ZNF628: variants seen among roughly 807,000 people sequenced by gnomAD.
ZNF628 encodes zinc finger protein Zec.
In ZNF628, 3 loss-of-function variants were observed where a neutral mutation model predicts 2.5. The observed-to-expected ratio is 1.19, with a 90% CI of 0.54 to 3.07. The LOEUF is 3.07. Ranked by LOEUF, ZNF628 falls within the 30% of genes most tolerant of loss-of-function variation. The probability of loss-of-function intolerance (pLI) is 0.03; values close to 1 mark genes in which losing one functional copy is unlikely to be tolerated. For synonymous variants in ZNF628, 861 were observed against 717.1 expected, an observed-to-expected ratio of 1.20 and a Z score of -3.21; for missense variants, 1,610 against 1,517.1, an observed-to-expected ratio of 1.06 and a Z score of -1.02.
rs1485426669 is a variant in ZNF628 at position 55,483,524 on chromosome 19, A to G, written c.2331A>G (p.Pro777=). ...AGQGAGVVWL[P]GPGGLGVQGA... Reference sequence around the variant, plus strand: ...AGGGGGCGGGAGTGGTCTGGCTGCCAGGCCCTGGGGGTCTAGGGGTGCAGG... The same window carrying G: ...AGGGGGCGGGAGTGGTCTGGCTGCCGGGCCCTGGGGGTCTAGGGGTGCAGG... The change falls in exon 3 of 3, where the codon CCA becomes CCG. Residue 777 remains proline (P), a synonymous_variant. Transcript: ENST00000598519. 5.8e-6 allele frequency: 9 copies of G among 1,564,666 alleles called. No homozygotes were observed. Among genetic ancestry groups the G allele is most frequent in the Non-Finnish European group, 6.9e-6 (8 of 1,154,168 alleles).
chr19:55,482,227 C>A lies in ZNF628; in HGVS notation c.1034C>A (p.Pro345His), dbSNP rs1403052505. The A allele has an allele frequency of 3.4e-6, 5 of 1,454,242 alleles. No individual in the cohort carries two copies. Among genetic ancestry groups the A allele is most frequent in the Non-Finnish European group, 4.5e-6 (5 of 1,111,402 alleles). The allele number at this position is 1,454,242 out of a possible 1,614,324, so 90.1% of individuals were successfully genotyped here. A position where few individuals can be genotyped will look rare whatever the true frequency, so the allele number is the denominator to read the frequency against. ...ADQPPSPLPQ[P>H]PPPAAAPAPG... Reference sequence around the variant, plus strand: ...CAGCCACCGTCCCCTCTGCCGCAGCCCCCTCCTCCCGCCGCCGCCCCCGCG... The same window carrying A: ...CAGCCACCGTCCCCTCTGCCGCAGCACCCTCCTCCCGCCGCCGCCCCCGCG... The change falls in exon 3 of 3, where the codon CCC becomes CAC. Residue 345 changes from proline to histidine, a missense_variant. Transcript: ENST00000598519.
chr19:55,483,332 C>A lies in ZNF628; in HGVS notation c.2139C>A (p.Leu713=). ...GPAAPNSQTF[L]LVQTAQGLQL... is the part of the protein sequence containing the mutation. ...CAGCGCCCAACTCTCAGACGTTCCT[C>A]CTGGTGCAAACTGCCCAGGGCCTCC... Residue 713 remains leucine, a synonymous_variant, in exon 3 of 3, where the codon CTC becomes CTA. Coordinates refer to ENST00000598519, the MANE Select transcript of ZNF628 (RefSeq NM_033113.3). The A allele has an allele frequency of 6.5e-7, 1 of 1,538,174 alleles. No individual in the cohort carries two copies. Among genetic ancestry groups the A allele is most frequent in the Non-Finnish European group, 8.7e-7 (1 of 1,144,506 alleles).
chr19:55,483,847 A>G lies in ZNF628; in HGVS notation c.2654A>G (p.Glu885Gly). The change falls in exon 3 of 3, where the codon GAG becomes GGG. Residue 885 changes from glutamate to glycine, a missense_variant. Around this residue, in one of 5 missense-constraint regions of ZNF628, gnomAD observed 712 missense variants for 603.6 expected, o/e 1.18. Coordinates refer to ENST00000598519, the MANE Select transcript of ZNF628 (RefSeq NM_033113.3). ...SNSSGGAVAT[E>G]APNLLVVQSG... ...TCCAGTGGGGGAGCTGTGGCTACTGAGGCACCCAACCTGCTGGTTGTTCAG... is the reference window on the plus strand; with the variant it reads ...TCCAGTGGGGGAGCTGTGGCTACTGGGGCACCCAACCTGCTGGTTGTTCAG... The G allele has an allele frequency of 1.2e-6, 2 of 1,612,718 alleles. No homozygotes were observed. Among genetic ancestry groups the G allele is most frequent in the Non-Finnish European group, 1.7e-6 (2 of 1,179,464 alleles).
chr19:55,482,770 A>G lies in ZNF628; in HGVS notation c.1577A>G (p.Gln526Arg). The change falls in exon 3 of 3, where the codon CAG (glutamine) becomes CGG (arginine). Residue 526 changes from glutamine (Q) to arginine (R), a missense_variant. Gln to Arg is a conservative substitution (Grantham distance 43). Transcript: ENST00000598519. ...ACCTTCAAGTGGTCGTCCCACTACC[A>G]GTACCACCTGCGGCTGCACTCTGGC... ...GLTFKWSSHY[Q>R]YHLRLHSGER... The G allele has an allele frequency of 3.1e-6, 5 of 1,609,792 alleles. No individual in the cohort carries two copies. The highest frequency in any genetic ancestry group is 4.2e-6 in the Non-Finnish European group (5 of 1,177,866).
In ZNF628 at chr19:55,484,183, C is replaced by A. The variant is rs774496219; in HGVS notation, c.2990C>A (p.Thr997Lys). 2.0e-5 allele frequency: 31 copies of A among 1,552,476 alleles called. No homozygotes were observed. The highest frequency in any genetic ancestry group is 1.7e-4 in the Middle Eastern group (1 of 5,914). The change falls in exon 3 of 3, where the codon ACG becomes AAG. Residue 997 changes from threonine (T) to lysine (K), a missense_variant. Thr to Lys is a moderately conservative substitution (Grantham distance 78, BLOSUM62 -1). Coordinates refer to ENST00000598519, the MANE Select transcript of ZNF628 (RefSeq NM_033113.3). ...DSSNTGGGTA[T>K]LQLLAPPPSG... ...AGCAACACTGGAGGAGGCACCGCCA[C>A]GCTGCAGCTCCTGGCCCCACCGCCG... is the stretch of plus-strand genomic sequence containing the variant.
chr19:55,483,373 G>A lies in ZNF628; in HGVS notation c.2180G>A (p.Ser727Asn). The A allele has an allele frequency of 6.5e-7, 1 of 1,542,808 alleles. No homozygotes were observed. The highest frequency in any genetic ancestry group is 8.7e-7 in the Non-Finnish European group (1 of 1,146,120). ...TAQGLQLIPS[S>N]VQPPTPPPPP... Reference sequence around the variant, plus strand: ...CAGGGCCTCCAGCTGATCCCCAGCAGCGTGCAGCCCCCTACACCTCCGCCC... The same window carrying A: ...CAGGGCCTCCAGCTGATCCCCAGCAACGTGCAGCCCCCTACACCTCCGCCC... Residue 727 changes from serine to asparagine, a missense_variant, in exon 3 of 3, where the codon AGC (serine) becomes AAC (asparagine). Ser to Asn is a conservative substitution (Grantham distance 46, BLOSUM62 1). Around this residue, in one of 5 missense-constraint regions of ZNF628, gnomAD observed 712 missense variants for 603.6 expected, o/e 1.18. Coordinates refer to ENST00000598519, the MANE Select transcript of ZNF628 (RefSeq NM_033113.3).
At chr19:55,477,836 A>G (rs1483222732) in intron 1 of ZNF628, among the ~76,000 whole-genome samples, 1 of 152,094 alleles carries the variant, frequency 6.6e-6, no homozygotes, top group African/African-American at 2.4e-5. Flanking sequence ...TTCATTTAAA[A>G]TTTGTTTACT....
Position 55,484,308 on chromosome 19 carries a change from C to A in ZNF628, c.3115C>A (p.Gln1039Lys). ...AGAGPGVMTP[Q>K]GLPSIQIVQT... ...AGCTGGGCCTGGTGTTATGACCCCT[C>A]AGGGCCTGCCCTCCATCCAGATTGT... The change falls in exon 3 of 3, where the codon CAG (glutamine) becomes AAG (lysine). Residue 1039 changes from glutamine to lysine, a missense_variant. Physicochemically the swap from Gln to Lys is moderately conservative, Grantham distance 53. Around this residue, in one of 5 missense-constraint regions of ZNF628, gnomAD observed 712 missense variants for 603.6 expected, o/e 1.18. Transcript: ENST00000598519. The A allele has an allele frequency of 6.6e-7, 1 of 1,506,618 alleles. No individual in the cohort carries two copies. The highest frequency in any genetic ancestry group is 8.9e-7 in the Non-Finnish European group (1 of 1,126,380). The allele number at this position is 1,506,618 out of a possible 1,614,324, so 93.3% of individuals were successfully genotyped here. A position where few individuals can be genotyped will look rare whatever the true frequency, so the allele number is the denominator to read the frequency against.
chr19:55,482,080 G>A lies in ZNF628; in HGVS notation c.887G>A (p.Arg296His), dbSNP rs1028045866. Reference protein sequence around the residue: ...AAETTVELVYRCDGCEQGFSS... With the variant: ...AAETTVELVYHCDGCEQGFSS... ...GAGACCACGGTGGAGCTGGTGTACC[G>A]CTGCGATGGCTGCGAGCAGGGATTC... Residue 296 changes from arginine (R) to histidine (H), a missense_variant, in exon 3 of 3, where the codon CGC becomes CAC. Arg to His is a conservative substitution (Grantham distance 29). This residue lies in a region of ZNF628 where 651 missense variants were observed against 575.6 expected (regional missense o/e 1.13). Coordinates refer to ENST00000598519, the MANE Select transcript of ZNF628 (RefSeq NM_033113.3). The A allele has an allele frequency of 1.9e-5, 29 of 1,492,290 alleles. No homozygotes were observed. The highest frequency in any genetic ancestry group is 5.6e-5 in the East Asian group (2 of 35,876). 92.4% of individuals were successfully genotyped at this position (1,492,290 alleles called of 1,614,324 possible).
intron 1 of ZNF628, among the ~76,000 whole-genome samples, chr19:55,477,194 A>G (rs117467634): frequency 0.017 from 2,602 of 152,216 alleles, 62 homozygotes; most frequent in Non-Finnish European, 0.023. Flanking sequence ...CATCCCCTTA[A>G]AGGGGAGGTC....
rs868856277 is a variant in ZNF628 at position 55,484,272 on chromosome 19, G to C, written c.3079G>C (p.Val1027Leu). 46 of 1,546,268 alleles carry C rather than the reference G, an allele frequency of 3.0e-5. 2 individuals carry two copies. The Middle Eastern group carries it at 7.1e-3, about 238-fold the overall frequency. ...TCCAGCCTCCCAGATGGTGCAAGTG[G>C]TCCCCGCAGGAGCTGGGCCTGGTGT... ...GAPASQMVQV[V>L]PAGAGPGVMT... The change falls in exon 3 of 3, where the codon GTC becomes CTC. Residue 1027 changes from valine to leucine, a missense_variant. By Grantham distance (32) the Val-to-Leu change is conservative. Around this residue, in one of 5 missense-constraint regions of ZNF628, gnomAD observed 712 missense variants for 603.6 expected, o/e 1.18. Transcript: ENST00000598519.
In ZNF628 at chr19:55,481,917, C is replaced by A. The variant is rs1236874475; in HGVS notation, c.724C>A (p.Gln242Lys). ...PGTASAAPPP[Q>K]SREPGKVFVC... ...TACCGCCTCCGCGGCCCCGCCCCCC[C>A]AGTCCCGGGAGCCCGGCAAGGTCTT... The change falls in exon 3 of 3, where the codon CAG becomes AAG. Residue 242 changes from glutamine to lysine, a missense_variant. By Grantham distance (53) the Gln-to-Lys change is moderately conservative. This residue lies in a region of ZNF628 where 651 missense variants were observed against 575.6 expected (regional missense o/e 1.13). Transcript: ENST00000598519. The A allele has an allele frequency of 4.1e-6, 6 of 1,481,190 alleles. No homozygotes were observed. The highest frequency in any genetic ancestry group is 1.5e-5 in the African/African-American group (1 of 68,634). 91.8% of individuals were successfully genotyped at this position (1,481,190 alleles called of 1,614,324 possible).
rs1051287571 is a variant in ZNF628 at position 55,476,698 on chromosome 19, C to A, written c.-187C>A. ...TGGGAGGGAGTGCGCCCCTGCCCCC[C>A]CTCCCCGGTCCCCACAGCTGCACCG... is the stretch of plus-strand genomic sequence containing the variant. On this transcript the variant is annotated 5_prime_UTR_variant, in exon 1 of 3. Coordinates refer to ENST00000598519, the MANE Select transcript of ZNF628 (RefSeq NM_033113.3). 3.3e-5 allele frequency: 5 copies of A among 152,068 alleles called. No individual in the cohort carries two copies. The highest frequency in any genetic ancestry group is 4.8e-5 in the African/African-American group (2 of 41,422). The allele number at this position is 152,068 out of a possible 1,614,324, so 9.4% of individuals were successfully genotyped here. A position where few individuals can be genotyped will look rare whatever the true frequency, so the allele number is the denominator to read the frequency against.
intron 1 of ZNF628, among the ~76,000 whole-genome samples, chr19:55,477,249 T>G (rs779423007): frequency 4.5e-4 from 68 of 152,198 alleles, no homozygotes; most frequent in Admixed American, 7.9e-4. Flanking sequence ...AGGGGATGTC[T>G]TCTTGTTAAA....
In ZNF628 at chr19:55,483,374, C is replaced by G. The variant is rs753083843; in HGVS notation, c.2181C>G (p.Ser727Arg). Reference protein sequence around the residue: ...TAQGLQLIPSSVQPPTPPPPP... With the variant: ...TAQGLQLIPSRVQPPTPPPPP... The stretch of plus-strand genomic sequence containing the variant: ...AGGGCCTCCAGCTGATCCCCAGCAG[C>G]GTGCAGCCCCCTACACCTCCGCCCC... The change falls in exon 3 of 3, where the codon AGC (serine) becomes AGG (arginine). Residue 727 changes from serine (S) to arginine (R), a missense_variant. By Grantham distance (110) the Ser-to-Arg change is moderately radical (BLOSUM62 -1). Transcript: ENST00000598519. The G allele has an allele frequency of 3.2e-6, 5 of 1,542,318 alleles. No homozygotes were observed. Among genetic ancestry groups the G allele is most frequent in the Non-Finnish European group, 2.6e-6 (3 of 1,145,970 alleles).
In ZNF628 at chr19:55,482,192, CA is replaced by C; in HGVS notation, c.1001del (p.Lys334ArgfsTer93). 6.7e-7 allele frequency: 1 copy of C among 1,490,418 alleles called. No homozygotes were observed. Among genetic ancestry groups the C allele is most frequent in the Non-Finnish European group, 8.9e-7 (1 of 1,125,630 alleles). The allele number at this position is 1,490,418 out of a possible 1,614,324, so 92.3% of individuals were successfully genotyped here. On this transcript the variant is annotated frameshift_variant, in exon 3 of 3. Transcript: ENST00000598519. LOFTEE classifies it low-confidence loss of function (END_TRUNC). ...QPQEAPAEAP[K>X]ADQPPSPLPQ... ...CCCAGGAGGCACCCGCCGAGGCGCC[CA>C]AGGCCGACCAGCCACCGTCCCCTCT...
Position 55,483,200 on chromosome 19 carries a change from G to T in ZNF628, c.2007G>T (p.Ala669=). 5.8e-6 allele frequency: 9 copies of T among 1,543,998 alleles called. No homozygotes were observed. Among genetic ancestry groups the T allele is most frequent in the Non-Finnish European group, 6.9e-6 (8 of 1,151,760 alleles). The change falls in exon 3 of 3, where the codon GCG becomes GCT. Residue 669 remains alanine, a synonymous_variant. Coordinates refer to ENST00000598519, the MANE Select transcript of ZNF628 (RefSeq NM_033113.3). ...AGCCCCCTGCTCCACTGGCTGCTGC[G>T]CGGGCCCCGCCAGCCACCCAAGATG... The part of the protein sequence containing the change: ...GPQPPAPLAA[A]RAPPATQDVH...
chr19:55,481,904 G>C lies in ZNF628; in HGVS notation c.711G>C (p.Ala237=). ...GAAPAPGTAS[A]APPPQSREPG... ...CCCCCGCCCCGGGTACCGCCTCCGC[G>C]GCCCCGCCCCCCCAGTCCCGGGAGC... The change falls in exon 3 of 3, where the codon GCG becomes GCC. Residue 237 remains alanine, a synonymous_variant. Transcript: ENST00000598519. The C allele has an allele frequency of 6.7e-7, 1 of 1,482,282 alleles. No individual in the cohort carries two copies. The allele number at this position is 1,482,282 out of a possible 1,614,324, so 91.8% of individuals were successfully genotyped here.
Position 55,481,247 on chromosome 19 carries a change from G to T in ZNF628, c.54G>T (p.Ala18=). 6.3e-7 allele frequency: 1 copy of T among 1,580,982 alleles called. No homozygotes were observed. Residue 18 remains alanine (A), a synonymous_variant, in exon 3 of 3, where the codon GCG becomes GCT. Coordinates refer to ENST00000598519, the MANE Select transcript of ZNF628 (RefSeq NM_033113.3). ...SHADMAPAST[A]EGAGEKPGPA... is the part of the protein sequence containing the mutation. ...CGGACATGGCGCCGGCCTCTACTGC[G>T]GAGGGGGCCGGGGAGAAGCCAGGCC...
Sources: gnomAD v4.1 joint callset for allele counts (sites outside exome capture counted in the v4.1 genomes callset) on GRCh38, gnomAD v4.1.1 for gene constraint, gnomAD v4.1.1 regional missense constraint, MANE v1.5 for transcripts, NCBI Gene and HGNC (gene_info 2026-07-23, HGNC 2026-07-21) for gene names.